MACF1: variants seen among roughly 807,000 people sequenced by gnomAD.
MACF1 encodes the protein microtubule actin crosslinking factor 1, also known as microtubule-actin cross-linking factor 1.
MACF1 carries 193 observed loss-of-function variants against 854.8 expected under a neutral mutation model. The ratio of observed to expected loss-of-function variants is 0.23; its 90% CI spans 0.20 to 0.25. The LOEUF (loss-of-function observed/expected upper bound fraction) is 0.25, where lower values mean the gene tolerates loss of function less well. MACF1 is among the 10% of genes least tolerant of loss of function. The pLI is 1.00. For synonymous variants in MACF1, 3,185 were observed against 3,226.7 expected, an observed-to-expected ratio of 0.99 and a Z score of 0.44; for missense variants, 7,722 against 8,929.1, an observed-to-expected ratio of 0.86 and a Z score of 5.45.
At chr1:39,158,854 G>A (rs1413452566) in intron 2 of MACF1, among the ~76,000 whole-genome samples, 47 of 152,314 alleles carry the variant, frequency 3.1e-4, no homozygotes, top group Non-Finnish European at 5.9e-5. Context: ...TCCAGTTCTT[G>A]GGGGCTAGTA....
intron 58 of MACF1, among the ~76,000 whole-genome samples, chr1:39,418,374 A>G (rs1176622127): frequency 6.6e-6 from 1 of 152,264 alleles, no homozygotes; most frequent in Non-Finnish European, 1.5e-5. Flanking sequence ...ATTGAGAGTC[A>G]TAAGCATTTA....
chr1:39,149,549 AAAAT>A (rs1010062822), intron 2 of MACF1, among the ~76,000 whole-genome samples: 11 of 151,758 alleles, frequency 7.2e-5, no homozygotes, highest in African/African-American at 1.9e-4. Flanking sequence ...AATAAAAATA[AAAAT>A]AAATAAATAA....
chr1:39,256,049 GAA>G (rs1487384738), intron 5 of MACF1, among the ~76,000 whole-genome samples: 1 of 152,170 alleles, frequency 6.6e-6, no homozygotes, highest in Non-Finnish European at 1.5e-5. Flanking sequence ...AGGGAAAAAC[GAA>G]AGTCATCAGA....
Position 39,340,905 on chromosome 1 carries a change from CA to C in MACF1, c.10534del (p.Ser3512ValfsTer3), listed in dbSNP as rs751156716. ...NLILNSKGSN[S>X]EIDVDSLNLC... Reference sequence around the variant, plus strand: ...TTATTCTGAACAGCAAGGGATCTAACAGTGAAATAGATGTTGACAGCCTGAA... The same window carrying C: ...TTATTCTGAACAGCAAGGGATCTAACGTGAAATAGATGTTGACAGCCTGAA... On this transcript the variant is annotated frameshift_variant, in exon 40 of 101. Coordinates refer to ENST00000564288, the MANE Select transcript of MACF1 (RefSeq NM_001394062.1). LOFTEE classifies it high-confidence loss of function. 3 of 1,613,350 alleles carry C rather than the reference CA, an allele frequency of 1.9e-6. No homozygotes were observed. The African/African-American group carries it at 4.0e-5, about 22-fold the overall frequency.
chr1:39,349,767 G>T, intron 42 of MACF1, 140 bp downstream of exon 42: 2 of 878,724 alleles, frequency 2.3e-6, no homozygotes, highest in South Asian at 4.3e-5. Flanking sequence ...CCAGGAGCTG[G>T]GACAAAGTCA....
intron 51 of MACF1, among the ~76,000 whole-genome samples, chr1:39,370,874 A>C (rs1442168669): frequency 6.6e-6 from 1 of 152,120 alleles, no homozygotes; most frequent in Non-Finnish European, 1.5e-5. Context: ...ACAAAAAAAA[A>C]CTCCTAATAC....
In MACF1 at chr1:39,194,336, CTTTTCTTTTCTTTTCTTTTT is replaced by C. The variant is rs1476031820; in HGVS notation, c.221-36841_221-36822del. Among the ~76,000 whole-genome samples the C allele has an allele frequency of 2.7e-3, 164 of 61,326 alleles. 6 individuals carry two copies. The highest frequency in any genetic ancestry group is 0.026 in the Admixed American group (158 of 6,064). 40.2% of individuals were successfully genotyped at this position (61,326 alleles called of 152,430 possible). On this transcript the variant is annotated intron_variant, in intron 2 of 93. Coordinates refer to the MACF1 transcript ENST00000361689. ...AGTGGAATTTCTTTTCTTTTCTTTT[CTTTTCTTTTCTTTTCTTTTT>C]TTTTTTTTTTTTTTTGTGATAGAGT...
At chr1:39,209,729 T>C (rs184846128) in intron 1 of MACF1, among the ~76,000 whole-genome samples, 109 of 152,204 alleles carry the variant, frequency 7.2e-4, no homozygotes, top group African/African-American at 2.5e-3. Context: ...TGTACATGAA[T>C]TGTTGTTGTC....
At chr1:39,427,832 T>C (rs536139222) in intron 62 of MACF1, 129 bp from the exon 63 acceptor site, 2 of 936,024 alleles carry the variant, frequency 2.1e-6, no homozygotes, top group Admixed American at 3.0e-5. Context: ...AATTTTTATA[T>C]TATTTTTGCC....
At chr1:39,208,903 G>A (rs1240525680) in intron 1 of MACF1, among the ~76,000 whole-genome samples, 1 of 151,936 alleles carries the variant, frequency 6.6e-6, no homozygotes, top group Non-Finnish European at 1.5e-5. Flanking sequence ...GATTACAGGC[G>A]AAAACAGGGA....
intron 55 of MACF1, among the ~76,000 whole-genome samples, chr1:39,380,920 AC>A (rs1293887646): frequency 6.6e-6 from 1 of 152,182 alleles, no homozygotes; most frequent in Non-Finnish European, 1.5e-5. Context: ...TCCAAAAAAA[AC>A]GTAACAAAAG....
chr1:39,387,263 C>G lies in MACF1; in HGVS notation c.14421C>G (p.Thr4807=), dbSNP rs756283609. 24 of 1,614,198 alleles carry G rather than the reference C, an allele frequency of 1.5e-5. No individual in the cohort carries two copies. The highest frequency in any genetic ancestry group is 2.0e-5 in the Non-Finnish European group (24 of 1,180,044). ...AGCAAATGTTTGATGAGTTGAGGAC[C>G]TGGTTGGATGATAAACAAAGCCAGC... ...QFQQMFDELR[T]WLDDKQSQQA... Residue 4807 remains threonine, a synonymous_variant, in exon 58 of 101, where the codon ACC becomes ACG. Transcript: ENST00000564288.
intron 14 of MACF1, 87 bp downstream of exon 14, chr1:39,285,845 A>T: frequency 6.8e-7 from 1 of 1,464,866 alleles, no homozygotes; most frequent in Non-Finnish European, 9.4e-7. Context: ...CAGGCACTTA[A>T]TCTTTTAACC....
chr1:39,463,914 A>G, intron 94 of MACF1: 1 of 409,190 alleles, frequency 2.4e-6, no homozygotes, highest in Non-Finnish European at 4.6e-6. Flanking sequence ...AAGATAGGAG[A>G]TATTTCAGAG....
chr1:39,246,788 G>A lies in MACF1; in HGVS notation c.172-3226G>A, dbSNP rs553833989. On this transcript the variant is annotated intron_variant, in intron 2 of 100. Transcript: ENST00000564288. ...GGCTCCCAAAGTGCTGAGATTACAGGTGTGAGAGGGAGGGGTTTTGAAATC... is the reference window on the plus strand; with the variant it reads ...GGCTCCCAAAGTGCTGAGATTACAGATGTGAGAGGGAGGGGTTTTGAAATC... 2.0e-5 allele frequency among the ~76,000 whole-genome samples: 3 copies of A among 152,176 alleles called. 1 individual carries two copies. Among genetic ancestry groups the A allele is most frequent in the Middle Eastern group, 3.4e-3 (1 of 294 alleles).
intron 99 of MACF1, 88 bp from the exon 100 acceptor site, chr1:39,484,513 T>C (rs113304183): frequency 4.3e-6 from 5 of 1,150,128 alleles, no homozygotes; most frequent in Middle Eastern, 2.0e-4. Flanking sequence ...TAAGCAAATA[T>C]AAGGAGGTGT....
Position 39,428,087 on chromosome 1 carries a change from C to G in MACF1, c.16603C>G (p.Gln5535Glu), listed in dbSNP as rs376262010. The G allele has an allele frequency of 3.2e-5, 51 of 1,614,228 alleles. No homozygotes were observed. In the Middle Eastern group the frequency reaches 1.6e-3, roughly 52 times the overall value. Reference sequence around the variant, plus strand: ...GCTGTCAGAAAAGATAGACTCATTGCAGGCCCGATACAGTGAAATTCAAGA... The same window carrying G: ...GCTGTCAGAAAAGATAGACTCATTGGAGGCCCGATACAGTGAAATTCAAGA... ...GVLSEKIDSL[Q>E]ARYSEIQDRC... The change falls in exon 63 of 101, where the codon CAG (glutamine) becomes GAG (glutamate). Residue 5535 changes from glutamine to glutamate, a missense_variant. Around this residue, in one of 15 missense-constraint regions of MACF1, gnomAD observed 2,807 missense variants for 3,235.8 expected, o/e 0.87. Transcript: ENST00000564288.
chr1:39,196,071 C>A (rs1571160848), intron 2 of MACF1, among the ~76,000 whole-genome samples: 3 of 152,318 alleles, frequency 2.0e-5, no homozygotes, highest in Middle Eastern at 6.8e-3. Context: ...TTAACTCATT[C>A]ATCCTTACTA....
In MACF1 at chr1:39,387,663, A is replaced by T. The variant is rs563960368; in HGVS notation, c.14821A>T (p.Ser4941Cys). The change falls in exon 58 of 101, where the codon AGT becomes TGT. Residue 4941 changes from serine (S) to cysteine (C), a missense_variant. Around this residue, in one of 15 missense-constraint regions of MACF1, gnomAD observed 2,807 missense variants for 3,235.8 expected, o/e 0.87. Transcript: ENST00000564288. ...TCTGGATCCAGTGCAGCTAGAGTCC[A>T]GTCTCCTAAGATCAAAGGCTATGCT... ...VTLDPVQLES[S>C]LLRSKAMLNE... 1.3e-5 allele frequency: 21 copies of T among 1,614,094 alleles called. No homozygotes were observed. Among genetic ancestry groups the T allele is most frequent in the Non-Finnish European group, 1.7e-5 (20 of 1,180,048 alleles).
Sources: allele counts gnomAD v4.1 joint callset (sites outside exome capture counted in the v4.1 genomes callset), GRCh38; gene constraint gnomAD v4.1.1; regional missense constraint gnomAD v4.1.1; transcripts MANE v1.5; gene names NCBI Gene and HGNC (gene_info 2026-07-23, HGNC 2026-07-21).